HEATR1: variants seen among roughly 807,000 people sequenced by gnomAD.
HEATR1 encodes the protein HEAT repeat containing 1, also known as HEAT repeat-containing protein 1.
In HEATR1, 77 loss-of-function variants were observed where a neutral mutation model predicts 248.2. The ratio of observed to expected loss-of-function variants is 0.31; its 90% CI spans 0.26 to 0.37. HEATR1 has a LOEUF of 0.37. Ranked by LOEUF, HEATR1 falls within the 10% of genes least tolerant of loss-of-function variation. The pLI, the probability that HEATR1 is intolerant of heterozygous loss-of-function variation, is 1.00. For missense variants in HEATR1, 2,420 were observed against 2,504.9 expected, an observed-to-expected ratio of 0.97 and a Z score of 0.72; for synonymous variants, 897 against 923.1, an observed-to-expected ratio of 0.97 and a Z score of 0.51.
chr1:236,595,864 G>A lies in HEATR1; in HGVS notation c.925C>T (p.Gln309Ter). 1 of 1,613,756 alleles carries A rather than the reference G, an allele frequency of 6.2e-7. No individual in the cohort carries two copies. Among genetic ancestry groups the A allele is most frequent in the Non-Finnish European group, 8.5e-7 (1 of 1,179,738 alleles). ...DGLSCLIVLL[Q>*]RQKPESLGKK... ...CCAAGGCTCTCTGGCTTCTGTCTCT[G>A]CAGGAGCACTATCAAGCAACTTAAC... Residue 309 changes from glutamine to a stop codon, truncating the protein, a stop_gained, in exon 7 of 45, where the codon CAG (glutamine) becomes TAG (stop). Transcript: ENST00000366582. LOFTEE classifies it high-confidence loss of function.
intron 44 of HEATR1, 115 bp from the exon 45 acceptor site, chr1:236,551,105 G>A: frequency 1.3e-6 from 1 of 798,754 alleles, no homozygotes; most frequent in East Asian, 2.7e-5. Context: ...AATCAAAAGA[G>A]TGAAATGAAG....
chr1:236,564,630 C>A lies in HEATR1; in HGVS notation c.4467G>T (p.Lys1489Asn). 6.2e-7 allele frequency: 1 copy of A among 1,613,202 alleles called. No individual in the cohort carries two copies. The highest frequency in any genetic ancestry group is 8.5e-7 in the Non-Finnish European group (1 of 1,179,912). The change falls in exon 32 of 45, where the codon AAG (lysine) becomes AAT (asparagine). Residue 1489 changes from lysine to asparagine, a missense_variant. Physicochemically the swap from Lys to Asn is moderately conservative, Grantham distance 94. Coordinates refer to ENST00000366582, the MANE Select transcript of HEATR1 (RefSeq NM_018072.6). Reference protein sequence around the residue: ...ETIPKAVSFNKSESQEEMLQV... With the variant: ...ETIPKAVSFNNSESQEEMLQV... The stretch of plus-strand genomic sequence containing the variant: ...GTAGCATTTCTTCTTGTGATTCACT[C>A]TTATTAAATGACACTGCTTTGGGAA...
intron 42 of HEATR1, among the ~76,000 whole-genome samples, 178 bp downstream of exon 42, chr1:236,554,420 C>T (rs1022220434): frequency 6.6e-6 from 1 of 152,092 alleles, no homozygotes; most frequent in Non-Finnish European, 1.5e-5. Context: ...TCAAATTCCA[C>T]AATGAAGTTA....
chr1:236,556,506 C>G (rs905100833), intron 37 of HEATR1, among the ~76,000 whole-genome samples: 7 of 152,210 alleles, frequency 4.6e-5, no homozygotes, highest in Admixed American at 4.6e-4. Context: ...AGCACCCAGA[C>G]AGATGATTTT....
intron 43 of HEATR1, 22 bp from the exon 44 acceptor site, chr1:236,552,129 A>G: frequency 2.1e-6 from 3 of 1,442,682 alleles, no homozygotes; most frequent in Non-Finnish European, 2.9e-6. Flanking sequence ...AAAAGAGCAA[A>G]GAAATAAAAA....
At chr1:236,561,503 T>C (rs1200089089) in intron 32 of HEATR1, among the ~76,000 whole-genome samples, 1 of 152,228 alleles carries the variant, frequency 6.6e-6, no homozygotes, top group Non-Finnish European at 1.5e-5. Context: ...CTACAATGGT[T>C]CAGAAAAATA....
chr1:236,555,573 G>A lies in HEATR1; in HGVS notation c.5732C>T (p.Thr1911Ile). The A allele has an allele frequency of 6.2e-7, 1 of 1,614,178 alleles. No individual in the cohort carries two copies. Among genetic ancestry groups the A allele is most frequent in the Non-Finnish European group, 8.5e-7 (1 of 1,180,030 alleles). Residue 1911 changes from threonine to isoleucine, a missense_variant, in exon 40 of 45, where the codon ACA becomes ATA. Transcript: ENST00000366582. ...VAMVVKLSEV[T>I]FRPLFFKLFD... ...CACCTTGAAGAACAGGGGCCTGAAT[G>A]TGACCTCGGAAAGTTTGACAACCAT...
At chr1:236,581,166 T>C (rs1161091322) in intron 20 of HEATR1, 56 bp downstream of exon 20, 10 of 1,417,408 alleles carry the variant, frequency 7.1e-6, no homozygotes, top group African/African-American at 1.4e-5. Flanking sequence ...ATAAACCATA[T>C]AGAGAAAGCA....
Position 236,566,674 on chromosome 1 carries a change from G to T in HEATR1, c.4280C>A (p.Thr1427Lys), listed in dbSNP as rs1350839440. ...TTCGCCATAGGCAGCCGCCAGCACT[G>T]TTTTTGTGACATACTGTTCAAAAAG... is the stretch of plus-strand genomic sequence containing the variant. Reference protein sequence around the residue: ...ILLFEQYVTKTVLAAAYGEKD... With the variant: ...ILLFEQYVTKKVLAAAYGEKD... Residue 1427 changes from threonine (T) to lysine (K), a missense_variant, in exon 30 of 45, where the codon ACA (threonine) becomes AAA (lysine). By Grantham distance (78) the Thr-to-Lys change is moderately conservative. Transcript: ENST00000366582. 3.7e-6 allele frequency: 6 copies of T among 1,613,900 alleles called. No individual in the cohort carries two copies. The highest frequency in any genetic ancestry group is 2.2e-5 in the South Asian group (2 of 91,078).
intron 12 of HEATR1, among the ~76,000 whole-genome samples, chr1:236,589,289 A>G (rs1663969453): frequency 1.3e-5 from 2 of 152,230 alleles, no homozygotes; most frequent in Admixed American, 6.5e-5. Flanking sequence ...CAATGAATTT[A>G]TTTAACATAT....
At chr1:236,583,947 G>A (rs1663820628) in intron 17 of HEATR1, among the ~76,000 whole-genome samples, 1 of 152,104 alleles carries the variant, frequency 6.6e-6, no homozygotes, top group Admixed American at 6.5e-5. Flanking sequence ...AAAATGTTAG[G>A]TGTTTAGAAA....
intron 5 of HEATR1, 47 bp from the exon 6 acceptor site, chr1:236,597,023 G>A (rs771837069): frequency 1.9e-6 from 3 of 1,579,274 alleles, no homozygotes; most frequent in Admixed American, 3.5e-5. Context: ...TGAAAGGGAG[G>A]TAGAAGGATT....
intron 20 of HEATR1, among the ~76,000 whole-genome samples, chr1:236,580,824 A>ATTTTTTTTTTTTTTTTTT (rs71178327): frequency 7.9e-6 from 1 of 126,656 alleles, no homozygotes. Flanking sequence ...GCCTTTATCG[A>ATTTTTTTTTTTTTTTTTT]TTTTTTTTTT....
intron 15 of HEATR1, 143 bp downstream of exon 15, chr1:236,586,098 T>G (rs1312352789): frequency 1.6e-6 from 2 of 1,241,070 alleles, no homozygotes; most frequent in African/African-American, 3.1e-5. Flanking sequence ...TGGCTTCCTT[T>G]TCACTGTATA....
chr1:236,571,452 A>G lies in HEATR1; in HGVS notation c.3847T>C (p.Phe1283Leu). The change falls in exon 28 of 45, where the codon TTC becomes CTC. Residue 1283 changes from phenylalanine (F) to leucine (L), a missense_variant. Transcript: ENST00000366582. Reference sequence around the variant, plus strand: ...CACTGAACTATCAACTCCACGTTGAACTTCTCCTCATCTAAAATATCTACA... The same window carrying G: ...CACTGAACTATCAACTCCACGTTGAGCTTCTCCTCATCTAAAATATCTACA... ...IPKDILDEEK[F>L]NVELIVQCIR... 1 of 1,613,980 alleles carries G rather than the reference A, an allele frequency of 6.2e-7. No homozygotes were observed.
At chr1:236,578,453 T>C (rs982183968) in intron 20 of HEATR1, among the ~76,000 whole-genome samples, 3 of 152,224 alleles carry the variant, frequency 2.0e-5, no homozygotes, top group Non-Finnish European at 4.4e-5. Flanking sequence ...ACGCTAGCTT[T>C]TGATTTGAGG....
intron 35 of HEATR1, 108 bp from the exon 36 acceptor site, chr1:236,558,637 G>A: frequency 9.2e-7 from 1 of 1,090,202 alleles, no homozygotes; most frequent in Non-Finnish European, 1.3e-6. Context: ...AGACTCGGGG[G>A]TCCTGAGTCA....
In HEATR1 at chr1:236,604,084, T is replaced by C; in HGVS notation, c.12A>G (p.Leu4=). The part of the protein sequence containing the change: MTS[L]AQQLQRLALP... ...GGGCGAGTCGTTGCAGCTGCTGGGC[T>C]AAGGACGTCATCTTTCACGCCAGCG... is the stretch of plus-strand genomic sequence containing the variant. The change falls in exon 2 of 45, where the codon TTA becomes TTG. Residue 4 remains leucine (L), a synonymous_variant. Transcript: ENST00000366582. 3.2e-6 allele frequency: 5 copies of C among 1,566,250 alleles called. No homozygotes were observed. Among genetic ancestry groups the C allele is most frequent in the Non-Finnish European group, 4.3e-6 (5 of 1,164,166 alleles).
intron 28 of HEATR1, among the ~76,000 whole-genome samples, chr1:236,570,673 CAG>C (rs1663403212): frequency 6.6e-6 from 1 of 151,440 alleles, no homozygotes; most frequent in African/African-American, 2.4e-5. Flanking sequence ...TCAATAAAAA[CAG>C]AAAAAATATT....
Sources: gnomAD v4.1 joint callset for allele counts (sites outside exome capture counted in the v4.1 genomes callset) on GRCh38, gnomAD v4.1.1 for gene constraint, MANE v1.5 for transcripts, NCBI Gene and HGNC (gene_info 2026-07-23, HGNC 2026-07-21) for gene names.